The following PTPRQ variants were observed in gnomAD, a reference collection of about 807,000 sequenced individuals.
The protein encoded by PTPRQ is protein tyrosine phosphatase receptor type Q.
A neutral mutation model predicts 246.0 loss-of-function variants in PTPRQ; 199 were observed. The observed-to-expected ratio is 0.81, with a 90% CI of 0.72 to 0.91. The LOEUF (loss-of-function observed/expected upper bound fraction) is 0.91. PTPRQ is among the 40% of genes least tolerant of loss of function. PTPRQ has a pLI of 0.00. For synonymous variants in PTPRQ, 869 were observed against 853.2 expected (o/e 1.02, Z -0.32); for missense variants, 2,624 against 2,528.4 (o/e 1.04, Z -0.81).
chr12:80,649,069 T>C (rs888862495), intron 36 of PTPRQ, 146 bp downstream of exon 36: 1 of 732,320 alleles, frequency 1.4e-6, no homozygotes, highest in Non-Finnish European at 2.0e-6. Context: ...GCATGACTAA[T>C]TGCATGGTAA....
intron 25 of PTPRQ, among the ~76,000 whole-genome samples, chr12:80,572,978 T>C (rs1897186764): frequency 6.6e-6 from 1 of 152,166 alleles, no homozygotes; most frequent in Non-Finnish European, 1.5e-5. Flanking sequence ...TTATAACATT[T>C]TTTCTCAGAT....
intron 25 of PTPRQ, among the ~76,000 whole-genome samples, chr12:80,566,227 C>G (rs1896973643): frequency 6.6e-6 from 1 of 152,062 alleles, no homozygotes; most frequent in South Asian, 2.1e-4. Flanking sequence ...CCTGTAATCC[C>G]AGCACTTTGG....
At chr12:80,502,172 A>G (rs1435723353) in intron 14 of PTPRQ, among the ~76,000 whole-genome samples, 1 of 151,956 alleles carries the variant, frequency 6.6e-6, no homozygotes, top group Non-Finnish European at 1.5e-5. Flanking sequence ...GTGGAGGGAT[A>G]GAGCTTGGAA....
intron 23 of PTPRQ, among the ~76,000 whole-genome samples, chr12:80,543,447 A>G (rs1896214439): frequency 6.6e-6 from 1 of 152,090 alleles, no homozygotes; most frequent in African/African-American, 2.4e-5. Flanking sequence ...TGATGCAACA[A>G]AGAGTCTCAA....
At chr12:80,458,152 C>T (rs553034942) in intron 4 of PTPRQ, among the ~76,000 whole-genome samples, 85 of 152,096 alleles carry the variant, frequency 5.6e-4, no homozygotes, top group Middle Eastern at 3.4e-3. Context: ...ATTTAAGATA[C>T]CTCCATTCTT....
At chr12:80,478,412 A>C (rs1343600699) in intron 8 of PTPRQ, among the ~76,000 whole-genome samples, 2 of 144,700 alleles carry the variant, frequency 1.4e-5, no homozygotes, top group Non-Finnish European at 3.1e-5. Context: ...AAAGTAGATA[A>C]AACCACAAAG....
At chr12:80,644,592 A>G (rs990700408) in intron 35 of PTPRQ, among the ~76,000 whole-genome samples, 1 of 152,098 alleles carries the variant, frequency 6.6e-6, no homozygotes, top group Admixed American at 6.5e-5. Context: ...TTTCATGCAC[A>G]TCAATTTCTG....
intron 25 of PTPRQ, among the ~76,000 whole-genome samples, chr12:80,568,652 T>G (rs2120945561): frequency 6.6e-6 from 1 of 152,346 alleles, no homozygotes; most frequent in East Asian, 1.9e-4. Context: ...TCCAGCACTC[T>G]CACTTTTGTT....
chr12:80,613,513 T>C, intron 28 of PTPRQ, 79 bp from the exon 29 acceptor site: 2 of 1,381,168 alleles, frequency 1.4e-6, no homozygotes, highest in South Asian at 1.5e-5. Flanking sequence ...AAAACAGAAG[T>C]TCAAAGCAAA....
chr12:80,523,250 C>G (rs193271025), intron 17 of PTPRQ, among the ~76,000 whole-genome samples: 1 of 152,118 alleles, frequency 6.6e-6, no homozygotes, highest in East Asian at 1.9e-4. Context: ...TGATTCTTCT[C>G]TCTTTCCTTC....
At chr12:80,606,548 G>C (rs1480452483) in intron 27 of PTPRQ, among the ~76,000 whole-genome samples, 2 of 150,924 alleles carry the variant, frequency 1.3e-5, no homozygotes, top group East Asian at 3.9e-4. Context: ...CTTGGGTTTT[G>C]CTGGGCCTGA....
intron 14 of PTPRQ, among the ~76,000 whole-genome samples, chr12:80,501,937 A>G (rs1028168015): frequency 7.6e-6 from 1 of 132,274 alleles, no homozygotes; most frequent in African/African-American, 3.3e-5. Context: ...ACAGAGTATG[A>G]TAGGCAAAAA....
chr12:80,553,511 A>G (rs978048320), intron 25 of PTPRQ, among the ~76,000 whole-genome samples: 1 of 151,820 alleles, frequency 6.6e-6, no homozygotes, highest in Non-Finnish European at 1.5e-5. Flanking sequence ...TGAGTCACTG[A>G]CTCCGTACTT....
Position 80,588,217 on chromosome 12 carries a change from C to A in PTPRQ, c.4374C>A (p.Gly1458=). ...LTWIRPDTIL[G]YFQNYKITTQ... is the part of the protein sequence containing the mutation. ...GGATAAGACCTGACACTATCCTTGG[C>A]TACTTTCAAAATTACAAAATTACCA... The change falls in exon 26 of 45, where the codon GGC becomes GGA. Residue 1458 remains glycine (G), a synonymous_variant. Coordinates refer to ENST00000644991, the MANE Select transcript of PTPRQ (RefSeq NM_001145026.2). 2 of 1,551,542 alleles carry A rather than the reference C, an allele frequency of 1.3e-6. No individual in the cohort carries two copies. Among genetic ancestry groups the A allele is most frequent in the Non-Finnish European group, 1.7e-6 (2 of 1,146,912 alleles).
intron 19 of PTPRQ, among the ~76,000 whole-genome samples, chr12:80,538,006 G>A (rs1896039788): frequency 6.6e-6 from 1 of 152,110 alleles, no homozygotes; most frequent in Non-Finnish European, 1.5e-5. Context: ...GTACTCAGGA[G>A]GCTGAGGCAG....
chr12:80,454,240 G>C (rs1399470404), intron 3 of PTPRQ, among the ~76,000 whole-genome samples: 2 of 149,866 alleles, frequency 1.3e-5, no homozygotes, highest in South Asian at 4.2e-4. Flanking sequence ...GTATTCGGGT[G>C]GGAGTGACTG....
chr12:80,543,284 C>A (rs1896209084), intron 23 of PTPRQ, among the ~76,000 whole-genome samples: 1 of 151,956 alleles, frequency 6.6e-6, no homozygotes, highest in African/African-American at 2.4e-5. Context: ...TTCTGGTCAT[C>A]TTTCCAGATA....
At chr12:80,611,868 CTCTT>C (rs1898565162) in intron 28 of PTPRQ, among the ~76,000 whole-genome samples, 1 of 150,434 alleles carries the variant, frequency 6.6e-6, no homozygotes, top group Non-Finnish European at 1.5e-5. Flanking sequence ...AAAAATATCT[CTCTT>C]GAACCAACTT....
At chr12:80,580,148 G>GTAGAATTTACT (rs1897389905) in intron 25 of PTPRQ, among the ~76,000 whole-genome samples, 1 of 152,202 alleles carries the variant, frequency 6.6e-6, no homozygotes, top group African/African-American at 2.4e-5. Flanking sequence ...CATCTTCTAA[G>GTAGAATTTACT]TAGAATTTAC....
Sources: gnomAD v4.1 joint callset for allele counts (sites outside exome capture counted in the v4.1 genomes callset) on GRCh38, gnomAD v4.1.1 for gene constraint, MANE v1.5 for transcripts, NCBI Gene and HGNC (gene_info 2026-07-23, HGNC 2026-07-21) for gene names.